Variants in ATP6V0A1 observed in about 807,000 individuals in gnomAD.
The protein encoded by ATP6V0A1 is ATPase H+ transporting V0 subunit a1.
ATP6V0A1 carries 43 observed loss-of-function variants against 105.4 expected under a neutral mutation model. The ratio of observed to expected loss-of-function variants is 0.41; its 90% CI spans 0.32 to 0.53. The LOEUF (loss-of-function observed/expected upper bound fraction) is 0.53, where lower values mean the gene tolerates loss of function less well. Among genes scored for constraint, ATP6V0A1 ranks in the 20% least tolerant of loss-of-function variants. ATP6V0A1 has a pLI of 0.30. For synonymous variants in ATP6V0A1, 362 were observed against 372.8 expected (o/e 0.97, Z 0.33); for missense variants, 676 against 1,051.1 (o/e 0.64, Z 4.93).
intron 2 of ATP6V0A1, among the ~76,000 whole-genome samples, chr17:42,465,599 G>C (rs1043046048): frequency 5.3e-5 from 8 of 151,920 alleles, no homozygotes; most frequent in African/African-American, 1.9e-4. Flanking sequence ...CAGATTGCTA[G>C]CTTTTTAGTG....
chr17:42,465,601 T>C (rs1272296687), intron 2 of ATP6V0A1, among the ~76,000 whole-genome samples: 1 of 151,934 alleles, frequency 6.6e-6, no homozygotes, highest in African/African-American at 2.4e-5. Flanking sequence ...GATTGCTAGC[T>C]TTTTAGTGAG....
chr17:42,498,865 A>T, intron 14 of ATP6V0A1, 59 bp from the exon 15 acceptor site: 3 of 1,165,902 alleles, frequency 2.6e-6, no homozygotes, highest in South Asian at 2.6e-5. Context: ...TAAACAGAGG[A>T]ATATTTTTCC....
chr17:42,480,444 CA>C (rs983924333), intron 7 of ATP6V0A1: 6 of 416,652 alleles, frequency 1.4e-5, no homozygotes, highest in Non-Finnish European at 2.6e-5. Context: ...CTGGTTGAGT[CA>C]AAAAAACAAA....
At chr17:42,509,520 T>C (rs1251814268) in intron 19 of ATP6V0A1, among the ~76,000 whole-genome samples, 1 of 152,220 alleles carries the variant, frequency 6.6e-6, no homozygotes, top group East Asian at 1.9e-4. Context: ...GGGCCTGCTC[T>C]TCCTGAAGCC....
At chr17:42,489,146 C>T (rs1377358927) in intron 10 of ATP6V0A1, among the ~76,000 whole-genome samples, 1 of 149,398 alleles carries the variant, frequency 6.7e-6, no homozygotes, top group Admixed American at 6.7e-5. Flanking sequence ...GATCTCGGCT[C>T]ACTGCAACCT....
intron 2 of ATP6V0A1, among the ~76,000 whole-genome samples, chr17:42,463,502 C>T (rs966703550): frequency 9.2e-5 from 14 of 152,074 alleles, no homozygotes; most frequent in Non-Finnish European, 1.8e-4. Context: ...TGCATGTATC[C>T]GTAGTTCATT....
intron 11 of ATP6V0A1, 34 bp downstream of exon 11, chr17:42,490,671 G>A (rs1020718901): frequency 1.3e-6 from 2 of 1,557,336 alleles, no homozygotes; most frequent in Non-Finnish European, 1.7e-6. Flanking sequence ...TTCCTCTAGA[G>A]TTTTTTTTGT....
intron 19 of ATP6V0A1, chr17:42,513,602 AAATGT>A (rs2146295465): frequency 2.3e-6 from 1 of 428,040 alleles, no homozygotes; most frequent in East Asian, 4.3e-5. Context: ...TAGTTAATTA[AAATGT>A]AATGTATTGA....
chr17:42,518,142 A>G (rs546876868), intron 21 of ATP6V0A1: 1 of 152,368 alleles, frequency 6.6e-6, no homozygotes, highest in African/African-American at 2.4e-5. Flanking sequence ...TGTAGTTATC[A>G]CTGTAAACAT....
chr17:42,501,189 C>A lies in ATP6V0A1; in HGVS notation c.1897-8C>A. Reference sequence around the variant, plus strand: ...ATGATGTACCTTGTCCTTCTTCTTACTCTGCAGAAAGGAATTCAGTGTTTC... The same window carrying A: ...ATGATGTACCTTGTCCTTCTTCTTAATCTGCAGAAAGGAATTCAGTGTTTC... On this transcript the variant is annotated splice_polypyrimidine_tract_variant and splice_region_variant and intron_variant, in intron 16 of 21. Coordinates refer to ENST00000343619, the MANE Select transcript of ATP6V0A1 (RefSeq NM_001130021.3). 1 of 1,605,586 alleles carries A rather than the reference C, an allele frequency of 6.2e-7. No individual in the cohort carries two copies. The highest frequency in any genetic ancestry group is 8.5e-7 in the Non-Finnish European group (1 of 1,173,482).
chr17:42,508,452 C>T (rs935007370), intron 18 of ATP6V0A1, 120 bp from the exon 19 acceptor site: 27 of 1,285,612 alleles, frequency 2.1e-5, no homozygotes, highest in Non-Finnish European at 2.7e-5. Context: ...CTGCCTCCAA[C>T]GTGCTAGCCC....
At chr17:42,474,038 T>C (rs2088368091) in intron 5 of ATP6V0A1, among the ~76,000 whole-genome samples, 1 of 151,824 alleles carries the variant, frequency 6.6e-6, no homozygotes, top group Non-Finnish European at 1.5e-5. Context: ...AGTCTCGCTT[T>C]GTCATCCAGG....
At chr17:42,479,249 G>T (rs2089190854) in intron 7 of ATP6V0A1, among the ~76,000 whole-genome samples, 1 of 152,222 alleles carries the variant, frequency 6.6e-6, no homozygotes, top group Non-Finnish European at 1.5e-5. Flanking sequence ...GAGAAGGAGA[G>T]ATTTCCTAGA....
rs563838856 is a variant in ATP6V0A1, at chr17:42,487,388, A to G, written c.1023+21A>G. 69 of 1,609,932 alleles carry G rather than the reference A, an allele frequency of 4.3e-5. No homozygotes were observed. The Admixed American group carries it at 8.3e-4, about 19-fold the overall frequency. The stretch of plus-strand genomic sequence containing the variant: ...GCACGGTGAGTCCCCAAAGCTAACA[A>G]TGCAGCTCGTGGCCCGGAAGAGAGG... On this transcript the variant is annotated intron_variant, in intron 10 of 21. Transcript: ENST00000343619.
rs1326849935 is a variant in ATP6V0A1, at chr17:42,521,911, C to G, written c.*791C>G. On this transcript the variant is annotated 3_prime_UTR_variant, in exon 22 of 22. Coordinates refer to ENST00000343619, the MANE Select transcript of ATP6V0A1 (RefSeq NM_001130021.3). The surrounding 1 kb of genome is among the most constrained non-coding windows in gnomAD (Gnocchi z 4.8). ...GCATGGGCCCTGCCCACAAGCACAC[C>G]CTCAGGCCGAGGGTGCAGACTGATG... The G allele has an allele frequency of 6.6e-6, 1 of 152,652 alleles. No individual in the cohort carries two copies. Among genetic ancestry groups the G allele is most frequent in the Non-Finnish European group, 1.5e-5 (1 of 68,322 alleles). The allele number at this position is 152,652 out of a possible 1,614,324, so 9.5% of individuals were successfully genotyped here.
intron 5 of ATP6V0A1, among the ~76,000 whole-genome samples, chr17:42,477,386 T>C (rs879337647): frequency 6.6e-6 from 1 of 152,096 alleles, no homozygotes; most frequent in Non-Finnish European, 1.5e-5. Context: ...CATCACTTAA[T>C]TTTTTTTCCT....
At chr17:42,486,356 A>G (rs2090112940) in intron 9 of ATP6V0A1, among the ~76,000 whole-genome samples, 1 of 151,910 alleles carries the variant, frequency 6.6e-6, no homozygotes, top group Admixed American at 6.6e-5. Flanking sequence ...GGTTGTGGTG[A>G]GCTGAGACCA....
intron 9 of ATP6V0A1, 75 bp from the exon 10 acceptor site, chr17:42,487,080 C>A: frequency 7.1e-7 from 1 of 1,404,480 alleles, no homozygotes; most frequent in Non-Finnish European, 1.0e-6. Context: ...AAAGCTATGC[C>A]TCTTTGCCAT....
At chr17:42,497,931 CAAAAAAAAAAGAAA>C (rs2091334572) in intron 14 of ATP6V0A1, among the ~76,000 whole-genome samples, 1 of 106,712 alleles carries the variant, frequency 9.4e-6, no homozygotes, top group Non-Finnish European at 1.9e-5. Context: ...GAGTTCATCT[CAAAAAAAAAAGAAA>C]AAAAAAAAAA....
Sources: gnomAD v4.1 joint callset for allele counts (sites outside exome capture counted in the v4.1 genomes callset) on GRCh38, gnomAD v4.1.1 for gene constraint, Gnocchi (gnomAD v3.1) non-coding constraint, MANE v1.5 for transcripts, NCBI Gene and HGNC (gene_info 2026-07-23, HGNC 2026-07-21) for gene names.